The following EPB41 variants were observed in gnomAD, a reference collection of about 807,000 sequenced individuals.
EPB41 encodes erythrocyte membrane protein band 4.1.
EPB41 carries 65 observed loss-of-function variants against 108.0 expected under a neutral mutation model. The ratio of observed to expected loss-of-function variants is 0.60; its 90% CI spans 0.49 to 0.74. The LOEUF is 0.74. EPB41 is among the 30% of genes least tolerant of loss of function. The probability of loss-of-function intolerance (pLI) is 0.00; values close to 1 mark genes in which losing one functional copy is unlikely to be tolerated. For synonymous variants in EPB41, 336 were observed against 358.9 expected (o/e 0.94, Z 0.72); for missense variants, 875 against 1,037.0 (o/e 0.84, Z 2.15).
chr1:29,039,251 C>G lies in EPB41; in HGVS notation c.1464-3C>G. On this transcript the variant is annotated splice_region_variant and splice_polypyrimidine_tract_variant and intron_variant, in intron 10 of 20. Transcript: ENST00000343067. ...AATATGACTATTACGATTTTCCCCC[C>G]AGATTGACATCTACAGACACCATTC... 4 of 1,613,684 alleles carry G rather than the reference C, an allele frequency of 2.5e-6. No individual in the cohort carries two copies. Among genetic ancestry groups the G allele is most frequent in the East Asian group, 2.2e-5 (1 of 44,874 alleles).
intron 1 of EPB41, among the ~76,000 whole-genome samples, chr1:28,904,896 T>TG (rs369921957): frequency 1.3e-5 from 2 of 151,486 alleles, no homozygotes; most frequent in South Asian, 2.1e-4. Context: ...CTGGGCATGG[T>TG]GGGGGGCGCC....
chr1:29,076,185 TCAGATCTATTC>T (rs1285463416), intron 16 of EPB41, among the ~76,000 whole-genome samples: 1 of 152,242 alleles, frequency 6.6e-6, no homozygotes, highest in East Asian at 1.9e-4. Flanking sequence ...CATCTGCTAT[TCAGATCTATTC>T]CAGTCTTCCT....
chr1:28,930,840 A>C (rs2093705612), intron 1 of EPB41, among the ~76,000 whole-genome samples: 1 of 152,176 alleles, frequency 6.6e-6, no homozygotes, highest in Non-Finnish European at 1.5e-5. Flanking sequence ...GCTTTTAAGA[A>C]ATAAAAGTTC....
At chr1:29,035,406 C>T (rs981460799) in intron 9 of EPB41, among the ~76,000 whole-genome samples, 10 of 152,126 alleles carry the variant, frequency 6.6e-5, no homozygotes, top group African/African-American at 2.4e-4. Flanking sequence ...TTACTAATTT[C>T]TATTGCATAA....
rs190569534 is a variant in EPB41, at chr1:29,038,139, C to T, written c.1464-1115C>T. Among the ~76,000 whole-genome samples the T allele has an allele frequency of 2.9e-3, 444 of 152,078 alleles. 3 individuals are homozygous for T. The highest frequency in any genetic ancestry group is 0.01 in the African/African-American group (424 of 41,462). On this transcript the variant is annotated intron_variant, in intron 10 of 20. Transcript: ENST00000343067. ...TATAATAGCACTATAGCACAGTCAA[C>T]GAGAAGAAAATTCAAGGAAATTAAT...
intron 5 of EPB41, 95 bp from the exon 6 acceptor site, chr1:29,015,591 GAAAGAA>G (rs2096568102): frequency 6.5e-6 from 5 of 765,738 alleles, no homozygotes; most frequent in Non-Finnish European, 8.5e-6. Flanking sequence ...AAAAAAAAAA[GAAAGAA>G]AAAGAAAAAG....
intron 16 of EPB41, among the ~76,000 whole-genome samples, chr1:29,081,784 G>A (rs1234433793): frequency 2.7e-5 from 4 of 147,326 alleles, no homozygotes; most frequent in Non-Finnish European, 5.9e-5. Flanking sequence ...GCAGTAAGCT[G>A]AGATCACACC....
intron 4 of EPB41, among the ~76,000 whole-genome samples, chr1:29,006,234 A>ATTT (rs34223507): frequency 1.2e-4 from 16 of 130,654 alleles, no homozygotes; most frequent in African/African-American, 1.1e-4. Flanking sequence ...ATCCCAAAGA[A>ATTT]TTTTTTTTTT....
intron 2 of EPB41, among the ~76,000 whole-genome samples, chr1:28,991,022 T>C (rs1228650574): frequency 9.2e-5 from 14 of 152,054 alleles, no homozygotes; most frequent in African/African-American, 3.1e-4. Flanking sequence ...ATTTTAGGCC[T>C]TTTGGAAACT....
intron 12 of EPB41, among the ~76,000 whole-genome samples, chr1:29,055,458 A>G (rs754382611): frequency 6.6e-6 from 1 of 152,122 alleles, no homozygotes; most frequent in Non-Finnish European, 1.5e-5. Flanking sequence ...GGCAGAGTGA[A>G]GAGATCACTA....
At chr1:29,046,782 T>C (rs1474511307) in intron 11 of EPB41, among the ~76,000 whole-genome samples, 3 of 152,230 alleles carry the variant, frequency 2.0e-5, no homozygotes, top group African/African-American at 7.2e-5. Context: ...TCAGTTGATA[T>C]AATAAAATGA....
At chr1:29,096,107 C>A in intron 16 of EPB41, 1 of 964,906 alleles carries the variant, frequency 1.0e-6, no homozygotes, top group Non-Finnish European at 1.2e-6. Context: ...TTCATTCTCC[C>A]ACTTATACCT....
At chr1:28,950,413 A>C (rs1252416404) in intron 1 of EPB41, among the ~76,000 whole-genome samples, 1 of 152,222 alleles carries the variant, frequency 6.6e-6, no homozygotes, top group Non-Finnish European at 1.5e-5. Context: ...AGTGTCCACA[A>C]TCAGGCTTTA....
chr1:28,906,302 C>T (rs2091823325), intron 1 of EPB41, among the ~76,000 whole-genome samples: 1 of 152,178 alleles, frequency 6.6e-6, no homozygotes, highest in Admixed American at 6.5e-5. Context: ...CTTATATCTC[C>T]CCTTCTGCCC....
chr1:28,903,928 G>A lies in EPB41; in HGVS notation c.-8+16718G>A, dbSNP rs565625897. Among the ~76,000 whole-genome samples, 292 of 151,964 alleles carry A rather than the reference G, an allele frequency of 1.9e-3. 1 individual carries two copies. Among genetic ancestry groups the A allele is most frequent in the Non-Finnish European group, 3.5e-3 (238 of 67,948 alleles). ...GTTGCCCAGGCTGGAGTGCAGTGGTGTGATCTTGGCTCACTGCAACCTCCA... is the reference window on the plus strand; with the variant it reads ...GTTGCCCAGGCTGGAGTGCAGTGGTATGATCTTGGCTCACTGCAACCTCCA... On this transcript the variant is annotated intron_variant, in intron 1 of 16. Coordinates refer to the EPB41 transcript ENST00000347529.
At chr1:29,067,836 A>G (rs768628053) in intron 16 of EPB41, among the ~76,000 whole-genome samples, 32 of 152,076 alleles carry the variant, frequency 2.1e-4, no homozygotes, top group African/African-American at 1.4e-4. Context: ...ACAGGACGCT[A>G]TTGTTTCCTA....
chr1:28,927,001 T>C (rs2093482242), intron 1 of EPB41, among the ~76,000 whole-genome samples: 1 of 152,204 alleles, frequency 6.6e-6, no homozygotes, highest in African/African-American at 2.4e-5. Context: ...GAGCTTTATT[T>C]CCGGTTGGGT....
chr1:29,040,159 T>G (rs886976238), intron 11 of EPB41, among the ~76,000 whole-genome samples: 3 of 151,908 alleles, frequency 2.0e-5, no homozygotes, highest in Non-Finnish European at 2.9e-5. Flanking sequence ...ACCTCTGTAC[T>G]CCAGCCTAGG....
In EPB41 at chr1:29,018,724, A is replaced by G. The variant is rs1358879268; in HGVS notation, c.1124+282A>G. The stretch of plus-strand genomic sequence containing the variant: ...TGCTCAGCAAATGGCAGCTATTATT[A>G]TTTTTGTTTCCTTACCTTTTATTTT... On this transcript the variant is annotated intron_variant, in intron 7 of 20. Coordinates refer to ENST00000343067, the MANE Select transcript of EPB41 (RefSeq NM_001376013.1). The surrounding 1 kb of genome is among the most constrained non-coding windows in gnomAD (Gnocchi z 4.4). Among the ~76,000 whole-genome samples, 1 of 152,018 alleles carries G rather than the reference A, an allele frequency of 6.6e-6. No individual in the cohort carries two copies. Among genetic ancestry groups the G allele is most frequent in the African/African-American group, 2.4e-5 (1 of 41,394 alleles).
Sources: gnomAD v4.1 joint callset for allele counts (sites outside exome capture counted in the v4.1 genomes callset) on GRCh38, gnomAD v4.1.1 for gene constraint, Gnocchi (gnomAD v3.1) non-coding constraint, MANE v1.5 for transcripts, NCBI Gene and HGNC (gene_info 2026-07-23, HGNC 2026-07-21) for gene names.